The following PPP1R16B variants were observed in gnomAD, a reference collection of about 807,000 sequenced individuals.
PPP1R16B encodes the protein protein phosphatase 1 regulatory inhibitor subunit 16B.
In PPP1R16B, 14 loss-of-function variants were observed where a neutral mutation model predicts 61.7. The ratio of observed to expected loss-of-function variants is 0.23; its 90% CI spans 0.15 to 0.35. The LOEUF (loss-of-function observed/expected upper bound fraction) is 0.35, where lower values mean the gene tolerates loss of function less well. PPP1R16B is among the 10% of genes least tolerant of loss of function. The pLI is 1.00. For missense variants in PPP1R16B, 547 were observed against 752.5 expected (o/e 0.73, Z 3.19); for synonymous variants, 266 against 305.3 (o/e 0.87, Z 1.34).
Position 38,864,470 on chromosome 20 carries a change from A to C in PPP1R16B, c.251-25125A>C, listed in dbSNP as rs139517097. On this transcript the variant is annotated intron_variant, in intron 2 of 10. Transcript: ENST00000299824. ...TATTCACCCATTTCATTCTCACAAC[A>C]ACCTTTTGGGAGGTCCTTTTATCAC... Among the ~76,000 whole-genome samples, 9 of 152,288 alleles carry C rather than the reference A, an allele frequency of 5.9e-5. No individual in the cohort carries two copies. The East Asian group carries it at 1.4e-3, about 23-fold the overall frequency.
At chr20:38,826,491 A>G (rs1416051336) in intron 1 of PPP1R16B, among the ~76,000 whole-genome samples, 1 of 152,194 alleles carries the variant, frequency 6.6e-6, no homozygotes, top group Admixed American at 6.5e-5. Flanking sequence ...GGGGAAGCTC[A>G]GCATGGAAGA....
intron 1 of PPP1R16B, among the ~76,000 whole-genome samples, chr20:38,809,216 G>C (rs746377953): frequency 1.5e-4 from 22 of 151,046 alleles, no homozygotes; most frequent in Non-Finnish European, 2.7e-4. Flanking sequence ...TAGCCATCAG[G>C]ACGGGGAAAG....
At chr20:38,884,495 G>A (rs2145755464) in intron 2 of PPP1R16B, among the ~76,000 whole-genome samples, 1 of 152,298 alleles carries the variant, frequency 6.6e-6, no homozygotes, top group East Asian at 1.9e-4. Context: ...GGTGAAAGCA[G>A]TCATAGGTGA....
Position 38,898,542 on chromosome 20 carries a change from G to A in PPP1R16B, c.468-2039G>A, listed in dbSNP as rs1053182495. 2.0e-5 allele frequency among the ~76,000 whole-genome samples: 3 copies of A among 152,260 alleles called. No homozygotes were observed. The East Asian group carries it at 5.8e-4, about 29-fold the overall frequency. On this transcript the variant is annotated intron_variant, in intron 4 of 10. Transcript: ENST00000299824. ...AAAACATCATTGGAGATTACAGGTG[G>A]CTGACACCTGTAATCCCAGCACTTT...
At chr20:38,900,737 C>A in intron 5 of PPP1R16B, 53 bp downstream of exon 5, 2 of 1,383,978 alleles carry the variant, frequency 1.4e-6, no homozygotes, top group Non-Finnish European at 1.9e-6. Flanking sequence ...TTGCAGAGAG[C>A]GTCCCTTAAA....
intron 6 of PPP1R16B, among the ~76,000 whole-genome samples, chr20:38,903,807 A>G (rs6028194): frequency 0.015 from 2,289 of 152,272 alleles, 49 homozygotes; most frequent in African/African-American, 0.053. Flanking sequence ...GCCACTCCTC[A>G]TAGGCTCTCA....
intron 4 of PPP1R16B, among the ~76,000 whole-genome samples, chr20:38,896,142 T>C (rs2085345411): frequency 1.1e-5 from 1 of 87,866 alleles, no homozygotes; most frequent in African/African-American, 4.6e-5. Flanking sequence ...CTCCCTCCTT[T>C]CCTTCTTTCT....
chr20:38,874,437 G>C (rs1486099040), intron 2 of PPP1R16B, among the ~76,000 whole-genome samples: 1 of 152,170 alleles, frequency 6.6e-6, no homozygotes, highest in Non-Finnish European at 1.5e-5. Flanking sequence ...CCATTCTACA[G>C]ATGGGGAAAC....
intron 5 of PPP1R16B, among the ~76,000 whole-genome samples, chr20:38,901,397 C>T (rs1601304302): frequency 1.3e-5 from 2 of 152,184 alleles, no homozygotes; most frequent in African/African-American, 4.8e-5. Context: ...ACTCTATGGA[C>T]CCCTTCTCAG....
intron 2 of PPP1R16B, among the ~76,000 whole-genome samples, chr20:38,864,323 TAGG>T (rs1485110676): frequency 6.6e-6 from 1 of 152,200 alleles, no homozygotes; most frequent in African/African-American, 2.4e-5. Flanking sequence ...ACATTTTTAA[TAGG>T]AGAATTGTAT....
intron 10 of PPP1R16B, among the ~76,000 whole-genome samples, chr20:38,912,812 C>G (rs2085503243): frequency 6.6e-6 from 1 of 152,242 alleles, no homozygotes; most frequent in African/African-American, 2.4e-5. Context: ...CACATTTCTT[C>G]CAAGGCTGTG....
At chr20:38,814,172 T>C (rs1401331770) in intron 1 of PPP1R16B, among the ~76,000 whole-genome samples, 1 of 152,152 alleles carries the variant, frequency 6.6e-6, no homozygotes, top group East Asian at 1.9e-4. Context: ...TTACTCAAGG[T>C]CACACAGCCA....
At chr20:38,821,982 AAT>A (rs3055461) in intron 1 of PPP1R16B, among the ~76,000 whole-genome samples, 1 of 144,296 alleles carries the variant, frequency 6.9e-6, no homozygotes, top group Admixed American at 7.0e-5. Flanking sequence ...ATTCCTCAGA[AAT>A]ATATATATAT....
At chr20:38,915,252 G>T (rs2085524480) in intron 10 of PPP1R16B, among the ~76,000 whole-genome samples, 1 of 152,152 alleles carries the variant, frequency 6.6e-6, no homozygotes, top group Non-Finnish European at 1.5e-5. Context: ...CGTCATGATA[G>T]TGTCACACAG....
At chr20:38,808,148 A>T (rs1170901815) in intron 1 of PPP1R16B, among the ~76,000 whole-genome samples, 1 of 152,136 alleles carries the variant, frequency 6.6e-6, no homozygotes, top group Non-Finnish European at 1.5e-5. Flanking sequence ...CCTATGTGTG[A>T]TGGCCTCACA....
intron 2 of PPP1R16B, among the ~76,000 whole-genome samples, chr20:38,885,731 C>T (rs1462861508): frequency 1.3e-5 from 2 of 152,146 alleles, no homozygotes; most frequent in African/African-American, 2.4e-5. Flanking sequence ...TCTGAATTGA[C>T]CGAGGTGCAA....
chr20:38,891,526 G>A (rs1301430639), intron 3 of PPP1R16B, among the ~76,000 whole-genome samples: 1 of 152,166 alleles, frequency 6.6e-6, no homozygotes, highest in Admixed American at 6.5e-5. Context: ...CAGGCCAGGC[G>A]TGGTGGCTCA....
chr20:38,881,790 C>G (rs1228500214), intron 2 of PPP1R16B, among the ~76,000 whole-genome samples: 1 of 152,220 alleles, frequency 6.6e-6, no homozygotes, highest in African/African-American at 2.4e-5. Flanking sequence ...TAGCTTTTTG[C>G]CATCCCTGTG....
chr20:38,829,684 G>A (rs1421920218), intron 1 of PPP1R16B, among the ~76,000 whole-genome samples: 1 of 152,246 alleles, frequency 6.6e-6, no homozygotes, highest in African/African-American at 2.4e-5. Flanking sequence ...GCCTATTGGA[G>A]CCATGGCTGC....
Sources: allele counts gnomAD v4.1 joint callset (sites outside exome capture counted in the v4.1 genomes callset), GRCh38; gene constraint gnomAD v4.1.1; transcripts MANE v1.5; gene names NCBI Gene and HGNC (gene_info 2026-07-23, HGNC 2026-07-21).